The following CSMD2 variants were observed in gnomAD, a reference collection of about 807,000 sequenced individuals.
CSMD2 encodes CUB and Sushi multiple domains 2.
In CSMD2, 130 loss-of-function variants were observed where a neutral mutation model predicts 398.5. The ratio of observed to expected loss-of-function variants is 0.33; its 90% CI spans 0.28 to 0.38. The LOEUF is 0.38. CSMD2 is among the 10% of genes least tolerant of loss of function. The pLI, the probability that CSMD2 is intolerant of heterozygous loss-of-function variation, is 1.00. For missense variants in CSMD2, 3,829 were observed against 4,764.9 expected (o/e 0.80, Z 5.78); for synonymous variants, 1,828 against 1,908.5 (o/e 0.96, Z 1.10).
intron 13 of CSMD2, among the ~76,000 whole-genome samples, chr1:33,757,999 G>A (rs1265371182): frequency 2.0e-5 from 3 of 152,158 alleles, no homozygotes; most frequent in Non-Finnish European, 4.4e-5. Context: ...TTCTTTTGCT[G>A]TTACATCCGT....
At chr1:33,693,079 G>A (rs751592947) in intron 24 of CSMD2, 23 bp from the exon 25 acceptor site, 9 of 1,578,444 alleles carry the variant, frequency 5.7e-6, no homozygotes, top group Non-Finnish European at 2.6e-6. Flanking sequence ...CCAAAAGAGT[G>A]AGCTTCATGG....
chr1:34,044,169 G>C (rs1405662319), intron 2 of CSMD2, among the ~76,000 whole-genome samples: 1 of 152,064 alleles, frequency 6.6e-6, no homozygotes, highest in Non-Finnish European at 1.5e-5. Context: ...CACAGAGACT[G>C]ACAAATTAAT....
At chr1:33,703,635 A>G (rs545253741) in intron 22 of CSMD2, among the ~76,000 whole-genome samples, 1 of 152,354 alleles carries the variant, frequency 6.6e-6, no homozygotes, top group East Asian at 1.9e-4. Flanking sequence ...CATAATTTCT[A>G]TGAATATTCC....
At chr1:33,521,572 A>G (rs960922700) in intron 67 of CSMD2, 22 bp from the exon 68 acceptor site, 2 of 1,500,818 alleles carry the variant, frequency 1.3e-6, no homozygotes, top group Non-Finnish European at 1.9e-6. Context: ...GGGAGCACAG[A>G]GAGCAGGTGG....
chr1:33,538,507 T>A (rs1044368499), intron 60 of CSMD2, among the ~76,000 whole-genome samples: 1 of 152,332 alleles, frequency 6.6e-6, no homozygotes, highest in Non-Finnish European at 1.5e-5. Flanking sequence ...TGTATGTGTA[T>A]ATGGAGTCAT....
At chr1:33,846,798 G>T in intron 6 of CSMD2, 86 bp downstream of exon 6, 2 of 753,228 alleles carry the variant, frequency 2.7e-6, no homozygotes, top group African/African-American at 1.8e-5. Context: ...AAGCCACACC[G>T]GACCCAGTAG....
In CSMD2 at chr1:33,716,374, G is replaced by A. The variant is rs748823705; in HGVS notation, c.3129C>T (p.Ser1043=). 5.0e-6 allele frequency: 8 copies of A among 1,614,132 alleles called. No homozygotes were observed. The highest frequency in any genetic ancestry group is 1.1e-5 in the South Asian group (1 of 91,080). Residue 1043 remains serine, a synonymous_variant, in exon 20 of 71, where the codon AGC becomes AGT. Transcript: ENST00000373381. The part of the protein sequence containing the change: ...LTGSRLPAPI[S]AGLYGNFTAQ... ...CAGTGAAGTTGCCATAGAGCCCAGCGCTGATGGGAGCTGGCAGCCGAGATC... is the reference window on the plus strand; with the variant it reads ...CAGTGAAGTTGCCATAGAGCCCAGCACTGATGGGAGCTGGCAGCCGAGATC...
intron 44 of CSMD2, chr1:33,600,506 C>G (rs966458975): frequency 2.0e-6 from 1 of 505,308 alleles, no homozygotes; most frequent in African/African-American, 1.9e-5. Context: ...CCCTAGATCC[C>G]TTTGGAGAAG....
At position 33,652,305 on chromosome 1, in the gene CSMD2, C is replaced by T. The variant is rs1328739714; in HGVS notation, c.4586+18G>A. The T allele has an allele frequency of 1.1e-5, 18 of 1,612,584 alleles. No individual in the cohort carries two copies. The highest frequency in any genetic ancestry group is 6.7e-5 in the Admixed American group (4 of 59,984). On this transcript the variant is annotated intron_variant, in intron 28 of 70. Transcript: ENST00000373381. ...CACTCTGAACCCTTCGTCTCCCACC[C>T]GGGGGAAAGGTACATACATGTTAAA...
At chr1:34,006,358 C>T (rs1647055816) in intron 3 of CSMD2, among the ~76,000 whole-genome samples, 1 of 152,094 alleles carries the variant, frequency 6.6e-6, no homozygotes, top group Non-Finnish European at 1.5e-5. Context: ...TTCTATTATT[C>T]CAGGAGCTTC....
At chr1:33,978,123 G>A (rs1038722978) in intron 3 of CSMD2, among the ~76,000 whole-genome samples, 15 of 151,964 alleles carry the variant, frequency 9.9e-5, no homozygotes, top group Admixed American at 1.3e-4. Flanking sequence ...AGGAACTTGA[G>A]GAAGAAAAAG....
Position 34,126,004 on chromosome 1 carries a change from C to T in CSMD2, c.188-36811G>A, listed in dbSNP as rs190096302. ...GGGTTGTGAAGCCCCAGCCTCACTT[C>T]TTCAGCTCCAAAGAAAATCCAACAG... On this transcript the variant is annotated intron_variant, in intron 1 of 70. Coordinates refer to ENST00000373381, the MANE Select transcript of CSMD2 (RefSeq NM_001281956.2). Among the ~76,000 whole-genome samples the T allele has an allele frequency of 3.0e-3, 450 of 152,320 alleles. 1 individual carries two copies. The highest frequency in any genetic ancestry group is 1.0e-2 in the African/African-American group (414 of 41,560).
At position 33,949,047 on chromosome 1, in the gene CSMD2, G is replaced by A. The variant is rs144783783; in HGVS notation, c.518-13093C>T. Among the ~76,000 whole-genome samples, 34 of 152,222 alleles carry A rather than the reference G, an allele frequency of 2.2e-4. No individual in the cohort carries two copies. The East Asian group carries it at 6.2e-3, about 28-fold the overall frequency. ...GAGTGGACTCTGGAGCTGTACTCTG[G>A]GTTCATGGTCAAACCCCAGCACTGT... On this transcript the variant is annotated intron_variant, in intron 3 of 70. Coordinates refer to ENST00000373381, the MANE Select transcript of CSMD2 (RefSeq NM_001281956.2).
intron 1 of CSMD2, among the ~76,000 whole-genome samples, chr1:34,129,380 A>G (rs2359102): frequency 0.36 from 55,142 of 152,154 alleles, 11,088 homozygotes; most frequent in East Asian, 0.68. Flanking sequence ...GGCTGGGCGC[A>G]GTGGCTCACG....
chr1:33,774,335 T>A (rs1651690087), intron 12 of CSMD2, among the ~76,000 whole-genome samples: 1 of 152,136 alleles, frequency 6.6e-6, no homozygotes, highest in South Asian at 2.1e-4. Context: ...CCTCTGAAGC[T>A]GGCTTTGCTC....
intron 3 of CSMD2, among the ~76,000 whole-genome samples, chr1:33,939,488 G>C (rs1644595598): frequency 6.6e-6 from 1 of 152,158 alleles, no homozygotes. Context: ...CTGAGAACTG[G>C]TGTAGAACTA....
intron 3 of CSMD2, among the ~76,000 whole-genome samples, chr1:33,958,504 T>A (rs76022093): frequency 0.033 from 5,077 of 152,088 alleles, 287 homozygotes; most frequent in African/African-American, 0.12. Flanking sequence ...TTTGCAGACA[T>A]AACTGAGGTC....
intron 49 of CSMD2, among the ~76,000 whole-genome samples, chr1:33,575,687 C>T (rs1023566950): frequency 3.3e-5 from 5 of 151,918 alleles, no homozygotes; most frequent in African/African-American, 9.7e-5. Flanking sequence ...ACTGGCGCTC[C>T]GGAAAAAAGA....
At chr1:33,669,952 C>T (rs1490852355) in intron 25 of CSMD2, among the ~76,000 whole-genome samples, 1 of 152,130 alleles carries the variant, frequency 6.6e-6, no homozygotes, top group Non-Finnish European at 1.5e-5. Context: ...CAGATTCTTC[C>T]CCAGTATTTC....
Sources: gnomAD v4.1 joint callset for allele counts (sites outside exome capture counted in the v4.1 genomes callset) on GRCh38, gnomAD v4.1.1 for gene constraint, MANE v1.5 for transcripts, NCBI Gene and HGNC (gene_info 2026-07-23, HGNC 2026-07-21) for gene names.